KDM4C: variants seen among roughly 807,000 people sequenced by gnomAD.
The protein encoded by KDM4C is lysine-specific demethylase 4C.
KDM4C carries 81 observed loss-of-function variants against 129.3 expected under a neutral mutation model. The observed-to-expected ratio is 0.63, with a 90% CI of 0.52 to 0.75. KDM4C has a LOEUF of 0.75. Ranked by LOEUF, KDM4C falls within the 30% of genes least tolerant of loss-of-function variation. The pLI, the probability that KDM4C is intolerant of heterozygous loss-of-function variation, is 0.00. For synonymous variants in KDM4C, 573 were observed against 456.1 expected (o/e 1.26, Z -3.26); for missense variants, 1,457 against 1,304.0 (o/e 1.12, Z -1.81).
At chr9:7,049,280 C>G in intron 17 of KDM4C, 80 bp downstream of exon 17, 1 of 642,440 alleles carries the variant, frequency 1.6e-6, no homozygotes, top group African/African-American at 1.9e-5. Context: ...TGCACACATT[C>G]CCAAGGTATA....
At chr9:7,144,622 C>T (rs748517863) in intron 19 of KDM4C, among the ~76,000 whole-genome samples, 6 of 152,200 alleles carry the variant, frequency 3.9e-5, no homozygotes, top group Non-Finnish European at 7.3e-5. Context: ...GGAATGTGGC[C>T]CCTGGCCCCA....
At chr9:7,145,405 G>T (rs1049745927) in intron 19 of KDM4C, among the ~76,000 whole-genome samples, 3 of 152,076 alleles carry the variant, frequency 2.0e-5, no homozygotes, top group Non-Finnish European at 4.4e-5. Context: ...TCAGTTCAGG[G>T]GTGCTGCGTA....
chr9:6,832,396 AAGT>A (rs1834998167), intron 4 of KDM4C, among the ~76,000 whole-genome samples: 1 of 150,226 alleles, frequency 6.7e-6, no homozygotes. Flanking sequence ...AATATGAATA[AAGT>A]AGTATAGATT....
intron 1 of KDM4C, among the ~76,000 whole-genome samples, chr9:6,777,397 C>G (rs1823312517): frequency 6.6e-6 from 1 of 152,120 alleles, no homozygotes; most frequent in South Asian, 2.1e-4. Context: ...GTTAGCTGCC[C>G]CAGCTGTTAA....
chr9:6,848,399 G>C (rs1425278998), intron 4 of KDM4C, among the ~76,000 whole-genome samples: 1 of 152,064 alleles, frequency 6.6e-6, no homozygotes, highest in African/African-American at 2.4e-5. Flanking sequence ...GGGTGTGGTG[G>C]CTCACGCTTG....
chr9:7,006,283 G>A (rs1295579221), intron 12 of KDM4C, among the ~76,000 whole-genome samples: 1 of 152,156 alleles, frequency 6.6e-6, no homozygotes, highest in Non-Finnish European at 1.5e-5. Flanking sequence ...AATTTCCTGT[G>A]CTTCAAATTA....
chr9:7,046,998 C>G, intron 16 of KDM4C, 81 bp downstream of exon 16: 1 of 997,072 alleles, frequency 1.0e-6, no homozygotes, highest in Admixed American at 1.8e-5. Flanking sequence ...TTCGCTTTAC[C>G]TCTCATTGTA....
At chr9:6,856,543 T>C (rs113436099) in intron 5 of KDM4C, among the ~76,000 whole-genome samples, 1,432 of 104,754 alleles carry the variant, frequency 0.014, 19 homozygotes, top group African/African-American at 0.051. Context: ...TGTGTGCGTG[T>C]GTGTGTGTGT....
intron 4 of KDM4C, among the ~76,000 whole-genome samples, chr9:6,839,162 C>G (rs2037580991): frequency 1.3e-5 from 2 of 152,130 alleles, no homozygotes; most frequent in Non-Finnish European, 2.9e-5. Flanking sequence ...ACAAAGTCTT[C>G]TAATGTGGGC....
intron 1 of KDM4C, among the ~76,000 whole-genome samples, chr9:6,760,613 C>G (rs566917608): frequency 6.6e-6 from 1 of 151,542 alleles, no homozygotes. Context: ...CTCTGTTGCC[C>G]AGGCTGGAGT....
chr9:7,116,284 A>G (rs559320427), intron 18 of KDM4C, among the ~76,000 whole-genome samples: 1 of 152,268 alleles, frequency 6.6e-6, no homozygotes, highest in South Asian at 2.1e-4. Flanking sequence ...CTCAGGAATT[A>G]GAAGAAAATG....
At chr9:6,822,782 G>A (rs1833250539) in intron 4 of KDM4C, among the ~76,000 whole-genome samples, 1 of 152,216 alleles carries the variant, frequency 6.6e-6, no homozygotes, top group Non-Finnish European at 1.5e-5. Flanking sequence ...TTGGCTAAAG[G>A]ACCTGCAAGT....
At chr9:7,142,312 G>T (rs1841826296) in intron 19 of KDM4C, among the ~76,000 whole-genome samples, 1 of 152,116 alleles carries the variant, frequency 6.6e-6, no homozygotes, top group South Asian at 2.1e-4. Flanking sequence ...CATAGAGATG[G>T]GGTCTTTCGC....
intron 8 of KDM4C, among the ~76,000 whole-genome samples, chr9:6,964,589 G>A (rs567213919): frequency 2.0e-5 from 3 of 152,118 alleles, no homozygotes; most frequent in African/African-American, 7.2e-5. Flanking sequence ...AGACCAGCCT[G>A]GGCAACACGG....
intron 19 of KDM4C, among the ~76,000 whole-genome samples, chr9:7,130,925 A>ATT (rs111274021): frequency 0.023 from 3,267 of 142,600 alleles, 74 homozygotes; most frequent in African/African-American, 0.054. Context: ...TGCCTGGCTA[A>ATT]TTTTTTTTTT....
intron 17 of KDM4C, among the ~76,000 whole-genome samples, chr9:7,052,313 C>T (rs1051519630): frequency 6.6e-6 from 1 of 152,146 alleles, no homozygotes; most frequent in Non-Finnish European, 1.5e-5. Context: ...GAATACTAAT[C>T]AAGTTTCACC....
chr9:6,937,160 A>G (rs976201131), intron 8 of KDM4C, among the ~76,000 whole-genome samples: 2 of 152,182 alleles, frequency 1.3e-5, no homozygotes, highest in Non-Finnish European at 2.9e-5. Flanking sequence ...TATTTTTAAC[A>G]TAAGAACCTC....
chr9:6,895,578 A>T (rs1297352882), intron 8 of KDM4C, among the ~76,000 whole-genome samples: 4 of 152,102 alleles, frequency 2.6e-5, no homozygotes, highest in Non-Finnish European at 5.9e-5. Context: ...CTACTACTAC[A>T]GGGGGTACCA....
chr9:6,872,983 A>G (rs938558051), intron 5 of KDM4C, among the ~76,000 whole-genome samples: 6 of 151,980 alleles, frequency 3.9e-5, no homozygotes, highest in African/African-American at 9.7e-5. Context: ...CTGGAGTGCA[A>G]TGGTGCAATC....
Sources: gnomAD v4.1 joint callset for allele counts (sites outside exome capture counted in the v4.1 genomes callset) on GRCh38, gnomAD v4.1.1 for gene constraint, MANE v1.5 for transcripts, NCBI Gene and HGNC (gene_info 2026-07-23, HGNC 2026-07-21) for gene names.